TADA2A: variants seen among roughly 807,000 people sequenced by gnomAD.
The protein encoded by TADA2A is transcriptional adapter 2-alpha.
In TADA2A, 38 loss-of-function variants were observed where a neutral mutation model predicts 67.4. The ratio of observed to expected loss-of-function variants is 0.56; its 90% CI spans 0.44 to 0.74. TADA2A has a LOEUF of 0.74. Among genes scored for constraint, TADA2A ranks in the 30% least tolerant of loss-of-function variants. The pLI, the probability that TADA2A is intolerant of heterozygous loss-of-function variation, is 0.00. For missense variants in TADA2A, 454 were observed against 547.0 expected (o/e 0.83, Z 1.70); for synonymous variants, 192 against 181.6 (o/e 1.06, Z -0.46).
intron 8 of TADA2A, among the ~76,000 whole-genome samples, chr17:37,456,553 GAGA>G (rs2053397642): frequency 6.6e-6 from 1 of 152,170 alleles, no homozygotes; most frequent in Non-Finnish European, 1.5e-5. Flanking sequence ...GACTATGGAG[GAGA>G]AGGAGGAAGA....
Position 37,442,597 on chromosome 17 carries a change from C to G in TADA2A, c.476C>G (p.Ser159Cys), listed in dbSNP as rs749164183. The G allele has an allele frequency of 1.2e-6, 2 of 1,613,910 alleles. No individual in the cohort carries two copies. The highest frequency in any genetic ancestry group is 1.7e-6 in the Non-Finnish European group (2 of 1,179,968). The change falls in exon 7 of 16, where the codon TCC becomes TGC. Residue 159 changes from serine (S) to cysteine (C), a missense_variant. By Grantham distance (112) the Ser-to-Cys change is moderately radical. Transcript: ENST00000615182. The stretch of plus-strand genomic sequence containing the variant: ...GACCCTCCCCGACCTACCTTTGACT[C>G]CTTGCTTTCTCGGGACATGGCCGGG... ...TDDPPRPTFD[S>C]LLSRDMAGYM...
Position 37,470,430 on chromosome 17 carries a change from C to T in TADA2A, c.926C>T (p.Thr309Ile), listed in dbSNP as rs1252892619. Residue 309 changes from threonine (T) to isoleucine (I), a missense_variant, in exon 13 of 16, where the codon ACA becomes ATA. Physicochemically the swap from Thr to Ile is moderately conservative, Grantham distance 89. Coordinates refer to ENST00000615182, the MANE Select transcript of TADA2A (RefSeq NM_001166105.3). ...SARTYDHLKK[T>I]REEERLKRTM... ...AGAACCTACGATCACCTCAAGAAGA[C>T]ACGGGAGGAAGAGCGCCTTAAACGC... 6.2e-7 allele frequency: 1 copy of T among 1,613,768 alleles called. No homozygotes were observed. Among genetic ancestry groups the T allele is most frequent in the South Asian group, 1.1e-5 (1 of 91,056 alleles).
chr17:37,426,647 G>A (rs1445245630), intron 3 of TADA2A: 3 of 168,534 alleles, frequency 1.8e-5, no homozygotes, highest in African/African-American at 2.9e-5. Context: ...CTGGGTGAAA[G>A]AGCAAGACTC....
chr17:37,414,097 G>T (rs1398528090), intron 2 of TADA2A, among the ~76,000 whole-genome samples: 2 of 152,040 alleles, frequency 1.3e-5, no homozygotes, highest in Admixed American at 6.6e-5. Flanking sequence ...ATGACCTCCA[G>T]CTCCATCCAT....
At chr17:37,454,694 T>C (rs113588635) in intron 8 of TADA2A, 2 of 338,530 alleles carry the variant, frequency 5.9e-6, no homozygotes, top group Non-Finnish European at 6.1e-6. Context: ...GAAAAGAACC[T>C]GCTGAGCAGT....
Position 37,440,589 on chromosome 17 carries a change from G to A in TADA2A, c.369G>A (p.Leu123=), listed in dbSNP as rs1373634578. Residue 123 remains leucine (L), a synonymous_variant, in exon 6 of 16, where the codon CTG becomes CTA. Coordinates refer to ENST00000615182, the MANE Select transcript of TADA2A (RefSeq NM_001166105.3). ...TGAAGCATTTCATCAATAACCCTCT[G>A]TTTGCATCTACCCTGCTGAACCTGA... ...HYMKHFINNP[L]FASTLLNLKQ... The A allele has an allele frequency of 6.2e-7, 1 of 1,614,132 alleles. No homozygotes were observed. The highest frequency in any genetic ancestry group is 2.2e-5 in the East Asian group (1 of 44,884).
intron 4 of TADA2A, among the ~76,000 whole-genome samples, chr17:37,428,621 A>G (rs1568143197): frequency 6.6e-6 from 1 of 151,976 alleles, no homozygotes; most frequent in Non-Finnish European, 1.5e-5. Context: ...TCACTCTATC[A>G]CCCAGGCTAA....
At chr17:37,410,473 G>C (rs1443872898) in intron 1 of TADA2A, among the ~76,000 whole-genome samples, 1 of 151,956 alleles carries the variant, frequency 6.6e-6, no homozygotes, top group Non-Finnish European at 1.5e-5. Context: ...ACTGTGCCTG[G>C]CCCTGTTACG....
chr17:37,440,878 T>C (rs2052894945), intron 6 of TADA2A, among the ~76,000 whole-genome samples: 1 of 152,150 alleles, frequency 6.6e-6, no homozygotes, highest in Non-Finnish European at 1.5e-5. Context: ...GTAAATCACT[T>C]GAGGCCAGGA....
At chr17:37,443,068 G>A (rs143397982) in intron 7 of TADA2A, among the ~76,000 whole-genome samples, 21 of 152,062 alleles carry the variant, frequency 1.4e-4, no homozygotes, top group Middle Eastern at 3.4e-3. Context: ...AGGCTGATAT[G>A]GGAGGATCAC....
chr17:37,476,997 G>C lies in TADA2A; in HGVS notation c.*15G>C. On this transcript the variant is annotated 3_prime_UTR_variant, in exon 16 of 16. Coordinates refer to ENST00000615182, the MANE Select transcript of TADA2A (RefSeq NM_001166105.3). ...CTAAAGGCTAAGGCTCCAAGAGCTT[G>C]GGATCAGAAGTCAGAAGTTTGGAAT... is the stretch of plus-strand genomic sequence containing the variant. The C allele has an allele frequency of 3.8e-6, 6 of 1,590,260 alleles. No homozygotes were observed. The highest frequency in any genetic ancestry group is 5.2e-6 in the Non-Finnish European group (6 of 1,163,844).
chr17:37,474,480 T>G, intron 14 of TADA2A, 76 bp from the exon 15 acceptor site: 2 of 1,455,716 alleles, frequency 1.4e-6, no homozygotes, highest in South Asian at 2.4e-5. Flanking sequence ...CTGGCTGCAC[T>G]GAACTTTTTA....
chr17:37,472,258 G>T (rs2053804163), intron 14 of TADA2A, among the ~76,000 whole-genome samples: 1 of 151,950 alleles, frequency 6.6e-6, no homozygotes, highest in Non-Finnish European at 1.5e-5. Flanking sequence ...TAGAGATGGG[G>T]TTTCGCCATG....
chr17:37,447,272 G>A (rs2053110034), intron 8 of TADA2A, among the ~76,000 whole-genome samples: 1 of 152,044 alleles, frequency 6.6e-6, no homozygotes, highest in Non-Finnish European at 1.5e-5. Flanking sequence ...AGCGATTCTC[G>A]TGCCTCAGCC....
At chr17:37,460,095 T>C (rs2053511517) in intron 9 of TADA2A, among the ~76,000 whole-genome samples, 1 of 151,412 alleles carries the variant, frequency 6.6e-6, no homozygotes, top group South Asian at 2.1e-4. Flanking sequence ...TTTTTTTTTT[T>C]TTGAGACAGG....
chr17:37,456,235 A>G (rs1006295044), intron 8 of TADA2A, among the ~76,000 whole-genome samples: 1 of 152,228 alleles, frequency 6.6e-6, no homozygotes, highest in African/African-American at 2.4e-5. Context: ...GGCGTAATCA[A>G]GACAATAAAT....
At chr17:37,412,089 T>C (rs1313511615) in intron 2 of TADA2A, among the ~76,000 whole-genome samples, 1 of 151,688 alleles carries the variant, frequency 6.6e-6, no homozygotes, top group Non-Finnish European at 1.5e-5. Context: ...CAGGCGCCTG[T>C]AGTCCCAGCT....
At chr17:37,459,065 CCTT>C (rs1310005217) in intron 9 of TADA2A, among the ~76,000 whole-genome samples, 3 of 152,076 alleles carry the variant, frequency 2.0e-5, no homozygotes, top group Non-Finnish European at 4.4e-5. Context: ...CTCTTACCCT[CCTT>C]AGACCTCAAT....
intron 8 of TADA2A, among the ~76,000 whole-genome samples, chr17:37,446,267 G>T (rs545576934): frequency 2.6e-5 from 4 of 151,988 alleles, no homozygotes; most frequent in Non-Finnish European, 5.9e-5. Flanking sequence ...TGTCAGTCTC[G>T]TCAATCCCAG....
Sources: gnomAD v4.1 joint callset for allele counts (sites outside exome capture counted in the v4.1 genomes callset) on GRCh38, gnomAD v4.1.1 for gene constraint, MANE v1.5 for transcripts, NCBI Gene and HGNC (gene_info 2026-07-23, HGNC 2026-07-21) for gene names.